Variants in EPHA5 observed in about 807,000 individuals in gnomAD.
EPHA5 encodes the protein ephrin type-A receptor 5.
In EPHA5, 60 loss-of-function variants were observed where a neutral mutation model predicts 105.0. That is an observed-to-expected ratio of 0.57 (90% CI 0.46 to 0.71). The LOEUF (loss-of-function observed/expected upper bound fraction) is 0.71. Ranked by LOEUF, EPHA5 falls within the 30% of genes least tolerant of loss-of-function variation. The pLI is 0.00. For synonymous variants in EPHA5, 513 were observed against 449.1 expected, an observed-to-expected ratio of 1.14 and a Z score of -1.80; for missense variants, 1,218 against 1,274.7, an observed-to-expected ratio of 0.96 and a Z score of 0.68.
At chr4:65,366,147 C>G in intron 9 of EPHA5, 90 bp from the exon 10 acceptor site, 1 of 1,243,368 alleles carries the variant, frequency 8.0e-7, no homozygotes, top group Non-Finnish European at 1.1e-6. Flanking sequence ...TGGCTTAAAT[C>G]TCTAATTCCT....
chr4:65,615,276 T>TA (rs35489805), intron 2 of EPHA5, among the ~76,000 whole-genome samples: 1 of 151,544 alleles, frequency 6.6e-6, no homozygotes, highest in African/African-American at 2.4e-5. Flanking sequence ...AAATTTGATT[T>TA]AAAAACTTAG....
In EPHA5 at chr4:65,670,129, T is replaced by G. The variant is rs1750333646; in HGVS notation, c.-387A>C. On this transcript the variant is annotated 5_prime_UTR_variant, in exon 1 of 17. Transcript: ENST00000613740. ...TTCTTTGCAGCCTTCAGTGTTGAAA[T>G]GGACGAAGGTAAGGAAGGCAAATCA... The G allele has an allele frequency of 7.3e-6, 2 of 272,318 alleles. No homozygotes were observed. The highest frequency in any genetic ancestry group is 1.4e-5 in the Non-Finnish European group (2 of 145,604). The allele number at this position is 272,318 out of a possible 1,614,324, so 16.9% of individuals were successfully genotyped here.
intron 5 of EPHA5, among the ~76,000 whole-genome samples, chr4:65,465,487 G>GA (rs1487445874): frequency 1.2e-5 from 1 of 83,394 alleles, no homozygotes; most frequent in Non-Finnish European, 2.6e-5. Context: ...AAGAAAGAAA[G>GA]AAAGAAAGAA....
intron 3 of EPHA5, among the ~76,000 whole-genome samples, chr4:65,600,152 A>G (rs1398830139): frequency 1.3e-5 from 2 of 152,202 alleles, no homozygotes; most frequent in Non-Finnish European, 2.9e-5. Context: ...TGGATTGCTT[A>G]TAACTCCTGC....
chr4:65,322,630 A>G lies in EPHA5; in HGVS notation c.*1484T>C. 1 of 225,376 alleles carries G rather than the reference A, an allele frequency of 4.4e-6. No individual in the cohort carries two copies. Among genetic ancestry groups the G allele is most frequent in the Non-Finnish European group, 8.8e-6 (1 of 113,026 alleles). The allele number at this position is 225,376 out of a possible 1,614,324, so 14.0% of individuals were successfully genotyped here. A position where few individuals can be genotyped will look rare whatever the true frequency, so the allele number is the denominator to read the frequency against. On this transcript the variant is annotated 3_prime_UTR_variant, in exon 17 of 17. Transcript: ENST00000613740. ...TATAAGTCTTCATCATGTGTGGTAT[A>G]TAGAGCATACATAGAAGATATGTTA...
intron 3 of EPHA5, among the ~76,000 whole-genome samples, chr4:65,551,697 C>T (rs1387080496): frequency 6.6e-6 from 1 of 152,034 alleles, no homozygotes; most frequent in Non-Finnish European, 1.5e-5. Context: ...TATTGCATAA[C>T]AGTGTCAATT....
At chr4:65,462,213 C>T (rs548442425) in intron 5 of EPHA5, among the ~76,000 whole-genome samples, 1 of 152,126 alleles carries the variant, frequency 6.6e-6, no homozygotes, top group South Asian at 2.1e-4. Flanking sequence ...ATTCTGAATT[C>T]TTTACCTACT....
intron 3 of EPHA5, among the ~76,000 whole-genome samples, chr4:65,533,422 A>T (rs10028414): frequency 0.12 from 18,021 of 152,064 alleles, 1,464 homozygotes; most frequent in East Asian, 0.3. Flanking sequence ...GCACAATTTA[A>T]TGTATGGTTT....
intron 16 of EPHA5, among the ~76,000 whole-genome samples, chr4:65,325,020 C>A (rs1375836303): frequency 6.6e-6 from 1 of 151,100 alleles, no homozygotes; most frequent in Non-Finnish European, 1.5e-5. Context: ...AATGCTATTC[C>A]CCTAAAGTAT....
intron 16 of EPHA5, among the ~76,000 whole-genome samples, chr4:65,328,882 A>T (rs1437886948): frequency 6.6e-6 from 1 of 151,152 alleles, no homozygotes; most frequent in African/African-American, 2.4e-5. Context: ...ATCTATTTCA[A>T]TTAATCTGTA....
chr4:65,605,168 T>G (rs1389111802), intron 2 of EPHA5, among the ~76,000 whole-genome samples: 1 of 152,182 alleles, frequency 6.6e-6, no homozygotes, highest in African/African-American at 2.4e-5. Flanking sequence ...TTCTTAGGGT[T>G]ACTCCTTTTC....
chr4:65,534,199 GT>G (rs1233699482), intron 3 of EPHA5, among the ~76,000 whole-genome samples: 2 of 151,916 alleles, frequency 1.3e-5, no homozygotes, highest in South Asian at 4.1e-4. Context: ...AAGTAATTGT[GT>G]TTTTTGGGTA....
chr4:65,622,591 G>T (rs1476188012), intron 2 of EPHA5, among the ~76,000 whole-genome samples: 1 of 151,886 alleles, frequency 6.6e-6, no homozygotes, highest in East Asian at 1.9e-4. Context: ...CAATTTAATG[G>T]CTTACTCTTT....
intron 1 of EPHA5, among the ~76,000 whole-genome samples, chr4:65,663,592 T>A (rs1050318431): frequency 6.6e-6 from 1 of 152,088 alleles, no homozygotes; most frequent in African/African-American, 2.4e-5. Context: ...ACAGATTATA[T>A]CATGTAACAA....
chr4:65,360,618 T>G (rs1717202119), intron 11 of EPHA5, among the ~76,000 whole-genome samples: 1 of 151,618 alleles, frequency 6.6e-6, no homozygotes, highest in Admixed American at 6.6e-5. Context: ...AAAACTAAGC[T>G]TACTAAATTC....
At chr4:65,447,678 T>G (rs1264742578) in intron 5 of EPHA5, among the ~76,000 whole-genome samples, 1 of 151,902 alleles carries the variant, frequency 6.6e-6, no homozygotes, top group East Asian at 1.9e-4. Flanking sequence ...AAATGTTAAA[T>G]TATTTACCAC....
chr4:65,608,356 T>G (rs1225747755), intron 2 of EPHA5, among the ~76,000 whole-genome samples: 2 of 151,706 alleles, frequency 1.3e-5, no homozygotes, highest in Admixed American at 6.6e-5. Context: ...CACAAAAAAT[T>G]AGCCGGGCGT....
chr4:65,380,145 A>G (rs1380128163), intron 8 of EPHA5, among the ~76,000 whole-genome samples: 1 of 151,826 alleles, frequency 6.6e-6, no homozygotes, highest in Non-Finnish European at 1.5e-5. Context: ...GATTCAACAC[A>G]GTCTACATCT....
At chr4:65,385,257 T>C (rs376738837) in intron 8 of EPHA5, among the ~76,000 whole-genome samples, 272 of 151,894 alleles carry the variant, frequency 1.8e-3, no homozygotes, top group Non-Finnish European at 3.0e-3. Flanking sequence ...AAGTCAAATA[T>C]GTACATTGTT....
Sources: allele counts gnomAD v4.1 joint callset (sites outside exome capture counted in the v4.1 genomes callset), GRCh38; gene constraint gnomAD v4.1.1; transcripts MANE v1.5; gene names NCBI Gene and HGNC (gene_info 2026-07-23, HGNC 2026-07-21).